ST18: variants seen among roughly 807,000 people sequenced by gnomAD.
The protein encoded by ST18 is ST18 C2H2C-type zinc finger transcription factor, also known as suppression of tumorigenicity 18 protein.
In ST18, 50 loss-of-function variants were observed where a neutral mutation model predicts 110.0. That is an observed-to-expected ratio of 0.45 (90% confidence interval 0.36 to 0.58). The LOEUF is 0.58. ST18 is among the 20% of genes least tolerant of loss of function. The pLI is 0.00. For missense variants in ST18, 1,306 were observed against 1,280.1 expected (o/e 1.02, Z -0.31); for synonymous variants, 461 against 452.4 (o/e 1.02, Z -0.24).
chr8:52,289,397 C>T (rs2095519581), intron 2 of ST18, among the ~76,000 whole-genome samples: 1 of 152,106 alleles, frequency 6.6e-6, no homozygotes. Flanking sequence ...GAAGTTGAGG[C>T]TTCAGTGATT....
At chr8:52,359,327 A>G (rs1824622932) in intron 2 of ST18, among the ~76,000 whole-genome samples, 1 of 152,060 alleles carries the variant, frequency 6.6e-6, no homozygotes, top group African/African-American at 2.4e-5. Flanking sequence ...TTACACTTTA[A>G]AGCTGTTAAC....
chr8:52,221,574 G>A (rs2086770451), intron 4 of ST18, 66 bp downstream of exon 4: 1 of 152,152 alleles, frequency 6.6e-6, no homozygotes, highest in Admixed American at 6.5e-5. Context: ...AACATCACGT[G>A]TATCCATGCA....
intron 17 of ST18, among the ~76,000 whole-genome samples, chr8:52,139,567 G>T (rs1447380135): frequency 2.0e-5 from 3 of 152,050 alleles, no homozygotes; most frequent in Non-Finnish European, 4.4e-5. Context: ...TTTTGGTCAG[G>T]CTGGTTTCGA....
At chr8:52,189,592 G>C (rs2134720454) in intron 8 of ST18, among the ~76,000 whole-genome samples, 1 of 152,306 alleles carries the variant, frequency 6.6e-6, no homozygotes, top group Admixed American at 6.5e-5. Flanking sequence ...GTCCTTTCAA[G>C]GAAGTTCCCA....
At chr8:52,279,335 G>A (rs1201171727) in intron 2 of ST18, among the ~76,000 whole-genome samples, 1 of 152,064 alleles carries the variant, frequency 6.6e-6, no homozygotes, top group East Asian at 1.9e-4. Context: ...GAAGAACTGG[G>A]AGACACATCT....
At chr8:52,185,486 C>T (rs546929404) in intron 8 of ST18, among the ~76,000 whole-genome samples, 1 of 152,146 alleles carries the variant, frequency 6.6e-6, no homozygotes, top group South Asian at 2.1e-4. Flanking sequence ...AAAAGAACAA[C>T]AAAGTTGGAA....
At chr8:52,189,140 C>T (rs559172883) in intron 8 of ST18, among the ~76,000 whole-genome samples, 1 of 152,232 alleles carries the variant, frequency 6.6e-6, no homozygotes, top group Admixed American at 6.5e-5. Flanking sequence ...TGCCCCCAAA[C>T]AATAACCAAC....
At chr8:52,185,597 A>G (rs772946286) in intron 8 of ST18, among the ~76,000 whole-genome samples, 1 of 152,180 alleles carries the variant, frequency 6.6e-6, no homozygotes, top group African/African-American at 2.4e-5. Flanking sequence ...ATGGAACAGC[A>G]TAGATGTTCC....
chr8:52,129,130 C>T (rs1031982814), intron 22 of ST18, among the ~76,000 whole-genome samples: 17 of 152,084 alleles, frequency 1.1e-4, no homozygotes, highest in Non-Finnish European at 1.5e-4. Flanking sequence ...ACCCCTACTG[C>T]GTGCCAGGCA....
chr8:52,330,568 G>A (rs1808779149), intron 2 of ST18, among the ~76,000 whole-genome samples: 1 of 152,246 alleles, frequency 6.6e-6, no homozygotes, highest in East Asian at 1.9e-4. Flanking sequence ...TGGCATCCAG[G>A]TCATTCTCTA....
chr8:52,301,094 A>G (rs943676919), intron 2 of ST18, among the ~76,000 whole-genome samples: 2 of 152,262 alleles, frequency 1.3e-5, no homozygotes. Context: ...TAGATTTCTA[A>G]TAATGGAAGA....
chr8:52,242,731 G>A (rs184641237), intron 2 of ST18, among the ~76,000 whole-genome samples: 61 of 152,096 alleles, frequency 4.0e-4, no homozygotes, highest in African/African-American at 1.3e-3. Context: ...AGCTGGGGGT[G>A]GTGGCAGGCA....
At chr8:52,236,611 CA>C (rs754799390) in intron 2 of ST18, among the ~76,000 whole-genome samples, 26,324 of 88,902 alleles carry the variant, frequency 0.3, 2,324 homozygotes, top group Middle Eastern at 0.42. Flanking sequence ...AATTCCACCT[CA>C]AAAAAAAAAA....
chr8:52,202,357 A>AT (rs1319145110), intron 8 of ST18, among the ~76,000 whole-genome samples: 1 of 152,210 alleles, frequency 6.6e-6, no homozygotes, highest in Non-Finnish European at 1.5e-5. Flanking sequence ...AATAAAATAA[A>AT]TTTTTTGTCT....
intron 2 of ST18, chr8:52,248,668 A>T (rs930343258): frequency 1.3e-5 from 2 of 152,216 alleles, no homozygotes; most frequent in African/African-American, 4.8e-5. Flanking sequence ...GGGACACAGC[A>T]AGCCAATGCT....
chr8:52,314,132 G>A (rs1035216751), intron 2 of ST18, among the ~76,000 whole-genome samples: 2 of 152,200 alleles, frequency 1.3e-5, no homozygotes, highest in African/African-American at 4.8e-5. Flanking sequence ...GAGCTTCATG[G>A]TGGTCTGAGG....
In ST18 at chr8:52,349,045, C is replaced by A. The variant is rs555675028; in HGVS notation, c.-465+60283G>T. 1.4e-3 allele frequency among the ~76,000 whole-genome samples: 206 copies of A among 152,292 alleles called. 1 individual carries two copies. Among genetic ancestry groups the A allele is most frequent in the African/African-American group, 4.9e-3 (202 of 41,554 alleles). On this transcript the variant is annotated intron_variant, in intron 2 of 25. Transcript: ENST00000689386. Reference sequence around the variant, plus strand: ...CCATTCTCTAGTCACCACTATGCTCCTCTGCACTTCTGGATTCCACATATG... The same window carrying A: ...CCATTCTCTAGTCACCACTATGCTCATCTGCACTTCTGGATTCCACATATG...
intron 22 of ST18, among the ~76,000 whole-genome samples, chr8:52,128,044 C>T (rs2131315979): frequency 6.6e-6 from 1 of 152,166 alleles, no homozygotes; most frequent in Admixed American, 6.5e-5. Flanking sequence ...ATTTGGCTCA[C>T]TGCAACCTCC....
At chr8:52,367,440 A>T (rs1828550867) in intron 2 of ST18, among the ~76,000 whole-genome samples, 1 of 152,150 alleles carries the variant, frequency 6.6e-6, no homozygotes. Context: ...AAAACTTAAA[A>T]ATTAAAAAAT....
Sources: allele counts gnomAD v4.1 joint callset (sites outside exome capture counted in the v4.1 genomes callset), GRCh38; gene constraint gnomAD v4.1.1; transcripts MANE v1.5; gene names NCBI Gene and HGNC (gene_info 2026-07-23, HGNC 2026-07-21).